CCDC178: variants seen among roughly 807,000 people sequenced by gnomAD.
The protein encoded by CCDC178 is coiled-coil domain containing 178.
In CCDC178, 126 loss-of-function variants were observed where a neutral mutation model predicts 117.4. That is an observed-to-expected ratio of 1.07 (90% CI 0.93 to 1.24). CCDC178 has a LOEUF of 1.24. Ranked by LOEUF, CCDC178 falls within the 50% of genes most tolerant of loss-of-function variation. The pLI is 0.00. For synonymous variants in CCDC178, 283 were observed against 313.4 expected (o/e 0.90, Z 1.02); for missense variants, 1,030 against 986.9 (o/e 1.04, Z -0.59).
At chr18:33,268,532 A>G (rs751217995) in intron 12 of CCDC178, among the ~76,000 whole-genome samples, 1 of 151,888 alleles carries the variant, frequency 6.6e-6, no homozygotes, top group Non-Finnish European at 1.5e-5. Flanking sequence ...TAGAGTAATC[A>G]ATAAGATTTC....
At chr18:33,046,532 A>G (rs935266328) in intron 21 of CCDC178, among the ~76,000 whole-genome samples, 3 of 152,198 alleles carry the variant, frequency 2.0e-5, no homozygotes, top group Admixed American at 1.3e-4. Context: ...AAGCAAAAAA[A>G]TAACCACAGT....
intron 6 of CCDC178, among the ~76,000 whole-genome samples, chr18:33,362,929 C>T (rs553741752): frequency 1.4e-5 from 2 of 141,756 alleles, no homozygotes; most frequent in Non-Finnish European, 3.1e-5. Flanking sequence ...TGCACCTCAA[C>T]TTTTAAAATC....
chr18:33,018,903 A>G (rs1300922657), intron 21 of CCDC178, among the ~76,000 whole-genome samples: 1 of 152,124 alleles, frequency 6.6e-6, no homozygotes, highest in Non-Finnish European at 1.5e-5. Context: ...ATATATCAAT[A>G]AGGCTGTTAC....
At chr18:33,153,657 T>C (rs1364643701) in intron 20 of CCDC178, among the ~76,000 whole-genome samples, 10 of 152,096 alleles carry the variant, frequency 6.6e-5, no homozygotes, top group Non-Finnish European at 1.3e-4. Context: ...TCACAGTGTT[T>C]CATAAGAACA....
chr18:32,941,193 C>A (rs2054232241), intron 22 of CCDC178, among the ~76,000 whole-genome samples: 1 of 151,876 alleles, frequency 6.6e-6, no homozygotes. Context: ...AATTAATGCT[C>A]TATGAGCCGT....
At chr18:33,120,403 T>G (rs2047365) in intron 20 of CCDC178, among the ~76,000 whole-genome samples, 4,074 of 152,212 alleles carry the variant, frequency 0.027, 103 homozygotes, top group East Asian at 0.12. Context: ...GAGGTAGTTC[T>G]AAAATACAGG....
intron 21 of CCDC178, among the ~76,000 whole-genome samples, chr18:33,024,767 C>T (rs1336266194): frequency 6.6e-6 from 1 of 151,682 alleles, no homozygotes; most frequent in Non-Finnish European, 1.5e-5. Context: ...CCTCAGCCTC[C>T]CGAGTAGCTG....
chr18:33,039,945 A>G (rs2144889116), intron 21 of CCDC178, among the ~76,000 whole-genome samples: 1 of 151,950 alleles, frequency 6.6e-6, no homozygotes, highest in East Asian at 1.9e-4. Context: ...ATAAGACATA[A>G]CAGAAAAATT....
At chr18:33,379,282 G>A (rs1346839862) in intron 5 of CCDC178, among the ~76,000 whole-genome samples, 1 of 150,402 alleles carries the variant, frequency 6.6e-6, no homozygotes. Flanking sequence ...ATGGTGTGTA[G>A]GGTCTTTTGG....
At chr18:32,986,237 G>C (rs1282303979) in intron 21 of CCDC178, among the ~76,000 whole-genome samples, 1 of 152,014 alleles carries the variant, frequency 6.6e-6, no homozygotes, top group Non-Finnish European at 1.5e-5. Context: ...TCCCATGAGA[G>C]AATCTGGAGA....
chr18:32,943,391 A>C (rs892919580), intron 22 of CCDC178, among the ~76,000 whole-genome samples: 3 of 152,182 alleles, frequency 2.0e-5, no homozygotes, highest in Non-Finnish European at 4.4e-5. Flanking sequence ...GGGGGGAAAC[A>C]ATTAAATCTG....
At chr18:32,984,354 GA>G (rs2055218246) in intron 21 of CCDC178, among the ~76,000 whole-genome samples, 1 of 151,784 alleles carries the variant, frequency 6.6e-6, no homozygotes, top group Non-Finnish European at 1.5e-5. Flanking sequence ...CCTTTTATAT[GA>G]ATATGCAAAT....
chr18:33,045,074 A>G (rs752826054), intron 21 of CCDC178, among the ~76,000 whole-genome samples: 12 of 152,160 alleles, frequency 7.9e-5, no homozygotes, highest in African/African-American at 1.2e-4. Flanking sequence ...TATTCAGGTG[A>G]TGGTTTCAGT....
chr18:33,322,982 A>G (rs573169046), intron 11 of CCDC178, among the ~76,000 whole-genome samples: 51 of 151,584 alleles, frequency 3.4e-4, no homozygotes, highest in African/African-American at 1.2e-3. Flanking sequence ...GAATAGCAGA[A>G]AATAAATACA....
chr18:33,332,165 TA>T lies in CCDC178; in HGVS notation c.879+1008del, dbSNP rs1341590754. 2.0e-5 allele frequency among the ~76,000 whole-genome samples: 3 copies of T among 152,216 alleles called. No homozygotes were observed. The East Asian group carries it at 5.8e-4, about 29-fold the overall frequency. On this transcript the variant is annotated intron_variant, in intron 10 of 22. Transcript: ENST00000383096. Reference sequence around the variant, plus strand: ...CCATGTATGGTACTGTTTGTGTGATTAAAAATACTATGTATTGTTTATTAAC... The same window carrying T: ...CCATGTATGGTACTGTTTGTGTGATTAAAATACTATGTATTGTTTATTAAC...
intron 21 of CCDC178, among the ~76,000 whole-genome samples, chr18:33,077,608 G>A (rs1449078224): frequency 1.3e-5 from 2 of 152,052 alleles, no homozygotes; most frequent in African/African-American, 2.4e-5. Flanking sequence ...ATTACCACTA[G>A]CTCCACAGAA....
At chr18:32,976,076 A>G (rs2055022017) in intron 21 of CCDC178, among the ~76,000 whole-genome samples, 1 of 152,150 alleles carries the variant, frequency 6.6e-6, no homozygotes, top group Admixed American at 6.5e-5. Flanking sequence ...TAGGAAGAAG[A>G]AAAGACTTTG....
intron 9 of CCDC178, among the ~76,000 whole-genome samples, chr18:33,341,068 T>C (rs2062811222): frequency 6.6e-6 from 1 of 152,152 alleles, no homozygotes; most frequent in Non-Finnish European, 1.5e-5. Flanking sequence ...AGGGAGGCTG[T>C]ACCCTGCAAA....
At chr18:33,310,284 A>G (rs565086738) in intron 11 of CCDC178, among the ~76,000 whole-genome samples, 66 of 152,292 alleles carry the variant, frequency 4.3e-4, no homozygotes, top group African/African-American at 1.4e-3. Context: ...AAGAGATAGT[A>G]TAGGACAAAT....
Sources: gnomAD v4.1 joint callset for allele counts (sites outside exome capture counted in the v4.1 genomes callset) on GRCh38, gnomAD v4.1.1 for gene constraint, MANE v1.5 for transcripts, NCBI Gene and HGNC (gene_info 2026-07-23, HGNC 2026-07-21) for gene names.